The following FTO variants were observed in gnomAD, a reference collection of about 807,000 sequenced individuals.
FTO encodes the protein alpha-ketoglutarate-dependent dioxygenase FTO.
FTO carries 47 observed loss-of-function variants against 63.9 expected under a neutral mutation model. The ratio of observed to expected loss-of-function variants is 0.74; its 90% CI spans 0.58 to 0.94. FTO has a LOEUF of 0.94. FTO is among the 40% of genes least tolerant of loss of function. The pLI is 0.00. For missense variants in FTO, 562 were observed against 618.1 expected, an observed-to-expected ratio of 0.91 and a Z score of 0.96; for synonymous variants, 207 against 224.4, an observed-to-expected ratio of 0.92 and a Z score of 0.69.
rs138587318 is a variant in FTO at position 53,911,400 on chromosome 16, C to T, written c.1239+22449C>T. ...GTAGAATGGAGTGGAGGAAAGTCAG[C>T]GAATGTAATAGTGTCGAACCCTGCA... On this transcript the variant is annotated intron_variant, in intron 7 of 8. Coordinates refer to ENST00000471389, the MANE Select transcript of FTO (RefSeq NM_001080432.3). 7.6e-4 allele frequency: 535 copies of T among 703,090 alleles called. 4 individuals are homozygous for T. In the African/African-American group the frequency reaches 8.0e-3, roughly 11 times the overall value. The allele number at this position is 703,090 out of a possible 1,614,324, so 43.6% of individuals were successfully genotyped here. A position where few individuals can be genotyped will look rare whatever the true frequency, so the allele number is the denominator to read the frequency against.
intron 8 of FTO, among the ~76,000 whole-genome samples, chr16:53,956,427 T>C (rs1030449197): frequency 1.3e-5 from 2 of 152,224 alleles, no homozygotes; most frequent in Non-Finnish European, 2.9e-5. Context: ...TAGTGGCAGC[T>C]ACTAAGTGAT....
chr16:54,111,096 C>T (rs543287739), intron 8 of FTO, among the ~76,000 whole-genome samples: 3 of 152,218 alleles, frequency 2.0e-5, no homozygotes, highest in East Asian at 1.9e-4. Flanking sequence ...CAATAAAAAC[C>T]GTGATTTAAG....
chr16:53,893,234 T>C (rs1366615650), intron 7 of FTO, among the ~76,000 whole-genome samples: 1 of 152,188 alleles, frequency 6.6e-6, no homozygotes, highest in Non-Finnish European at 1.5e-5. Context: ...TCCTCTTTGC[T>C]CCCTATTGAG....
At chr16:53,883,645 A>AC (rs1555489011) in intron 6 of FTO, among the ~76,000 whole-genome samples, 17 of 150,434 alleles carry the variant, frequency 1.1e-4, no homozygotes, top group Non-Finnish European at 2.4e-4. Flanking sequence ...ACAAAAAAAA[A>AC]AAAACAAATT....
intron 8 of FTO, among the ~76,000 whole-genome samples, chr16:53,941,494 C>G (rs2082528057): frequency 6.6e-6 from 1 of 152,298 alleles, no homozygotes; most frequent in East Asian, 1.9e-4. Flanking sequence ...ATTTTTATCT[C>G]TCCTACCAGA....
intron 7 of FTO, among the ~76,000 whole-genome samples, chr16:53,916,834 G>T (rs924802918): frequency 3.9e-5 from 6 of 152,226 alleles, no homozygotes; most frequent in South Asian, 2.1e-4. Flanking sequence ...GGACACTATA[G>T]CTAGGGAGAA....
chr16:53,763,541 C>T (rs1194319333), intron 1 of FTO, among the ~76,000 whole-genome samples: 1 of 152,096 alleles, frequency 6.6e-6, no homozygotes, highest in Non-Finnish European at 1.5e-5. Context: ...GTTTTAGAGG[C>T]TTTAGTCTCC....
intron 1 of FTO, among the ~76,000 whole-genome samples, chr16:53,740,727 T>C (rs1049635939): frequency 6.1e-4 from 93 of 152,334 alleles, no homozygotes; most frequent in African/African-American, 2.0e-3. Flanking sequence ...TGTGGCTTTT[T>C]CAGCACATTT....
At position 54,117,279 on chromosome 16, in the gene FTO, A is replaced by G. The variant is rs1443698805; in HGVS notation, c.*5364A>G. On this transcript the variant is annotated 3_prime_UTR_variant, in exon 9 of 9. Coordinates refer to ENST00000471389, the MANE Select transcript of FTO (RefSeq NM_001080432.3). The stretch of plus-strand genomic sequence containing the variant: ...TAAAATGCCTCCCACAGTACCTGAC[A>G]TATACTGGGCTTCAGTGAGGTACTA... 1 of 152,198 alleles carries G rather than the reference A, an allele frequency of 6.6e-6. No homozygotes were observed. Among genetic ancestry groups the G allele is most frequent in the Non-Finnish European group, 1.5e-5 (1 of 68,032 alleles). 9.4% of individuals were successfully genotyped at this position (152,198 alleles called of 1,614,324 possible). A position where few individuals can be genotyped will look rare whatever the true frequency, so the allele number is the denominator to read the frequency against.
intron 8 of FTO, among the ~76,000 whole-genome samples, chr16:53,990,339 G>A (rs1256749669): frequency 6.6e-6 from 1 of 152,156 alleles, no homozygotes; most frequent in Non-Finnish European, 1.5e-5. Flanking sequence ...TATAGATGAG[G>A]ATGCTAAAAT....
chr16:53,976,942 A>C (rs980238039), intron 8 of FTO, among the ~76,000 whole-genome samples: 4 of 152,116 alleles, frequency 2.6e-5, no homozygotes, highest in African/African-American at 9.7e-5. Flanking sequence ...AAATAATCCA[A>C]AATAAAATGA....
At chr16:53,852,412 T>G (rs2079836399) in intron 4 of FTO, among the ~76,000 whole-genome samples, 1 of 152,244 alleles carries the variant, frequency 6.6e-6, no homozygotes, top group African/African-American at 2.4e-5. Flanking sequence ...AGAACCAGTT[T>G]ATAGATACTT....
chr16:53,851,476 A>G (rs2079795506), intron 4 of FTO, among the ~76,000 whole-genome samples: 1 of 151,908 alleles, frequency 6.6e-6, no homozygotes. Flanking sequence ...AAAAAAGGAA[A>G]AAAAATAATT....
chr16:53,904,806 G>T (rs188465486), intron 7 of FTO, among the ~76,000 whole-genome samples: 2 of 151,970 alleles, frequency 1.3e-5, no homozygotes, highest in Non-Finnish European at 2.9e-5. Flanking sequence ...TCTCCTGCTC[G>T]CCTCGTTCTT....
intron 8 of FTO, chr16:53,979,535 CTGTGTG>C (rs57334871): frequency 0.026 from 9,750 of 368,456 alleles, 47 homozygotes; most frequent in East Asian, 0.055. Context: ...ATGTTTATGG[CTGTGTG>C]TGTGTGTGTG....
chr16:53,937,037 T>C (rs2143313359), intron 8 of FTO, among the ~76,000 whole-genome samples: 1 of 152,390 alleles, frequency 6.6e-6, no homozygotes, highest in South Asian at 2.1e-4. Flanking sequence ...CTGAAGTCTC[T>C]TAAACTGAAG....
At chr16:53,758,546 T>C (rs1306684793) in intron 1 of FTO, among the ~76,000 whole-genome samples, 1 of 152,170 alleles carries the variant, frequency 6.6e-6, no homozygotes, top group Non-Finnish European at 1.5e-5. Flanking sequence ...TTCCATCATA[T>C]CGCTCTGTAG....
At chr16:54,074,530 T>C (rs555423583) in intron 8 of FTO, among the ~76,000 whole-genome samples, 44 of 152,336 alleles carry the variant, frequency 2.9e-4, no homozygotes, top group African/African-American at 1.1e-3. Flanking sequence ...ATAAGCAGGT[T>C]TTCTTATCTT....
chr16:53,781,962 A>G (rs886309868), intron 1 of FTO, among the ~76,000 whole-genome samples: 1 of 152,050 alleles, frequency 6.6e-6, no homozygotes, highest in African/African-American at 2.4e-5. Context: ...TGTAATGGGG[A>G]TTCATATGAC....
Sources: gnomAD v4.1 joint callset for allele counts (sites outside exome capture counted in the v4.1 genomes callset) on GRCh38, gnomAD v4.1.1 for gene constraint, MANE v1.5 for transcripts, NCBI Gene and HGNC (gene_info 2026-07-23, HGNC 2026-07-21) for gene names.